The following SATL1 variants were observed in gnomAD, a reference collection of about 807,000 sequenced individuals.
SATL1 encodes the protein spermidine/spermine N1-acetyl transferase like 1, also known as spermidine/spermine N(1)-acetyltransferase-like protein 1.
SATL1 carries 47 observed loss-of-function variants against 51.8 expected under a neutral mutation model. That is an observed-to-expected ratio of 0.91 (90% confidence interval 0.72 to 1.16). The LOEUF (loss-of-function observed/expected upper bound fraction) is 1.16. Ranked by LOEUF, SATL1 falls within the 50% of genes most tolerant of loss-of-function variation. The pLI is 0.00. For synonymous variants in SATL1, 176 were observed against 182.4 expected, an observed-to-expected ratio of 0.97 and a Z score of 0.28; for missense variants, 520 against 526.4, an observed-to-expected ratio of 0.99 and a Z score of 0.12.
At chrX:85,094,803 T>C (rs777094499) in intron 5 of SATL1, 113 bp downstream of exon 5, 1 of 501,869 alleles carries the variant, frequency 2.0e-6, no homozygotes, top group African/African-American at 2.4e-5. Flanking sequence ...AAAAACTGGG[T>C]TTATACACAT....
chrX:85,147,347 C>T (rs1926282370), intron 2 of SATL1, among the ~76,000 whole-genome samples: 1 of 112,499 alleles, frequency 8.9e-6, no homozygotes, highest in Non-Finnish European at 1.9e-5. Context: ...CCCACCACAG[C>T]TCAAGGAGGC....
chrX:85,241,112 G>C (rs1928583983), intron 1 of SATL1, among the ~76,000 whole-genome samples: 1 of 110,813 alleles, frequency 9.0e-6, no homozygotes, highest in South Asian at 3.8e-4. Context: ...TTTTTTATTA[G>C]ACTATTTTAA....
At chrX:85,161,896 C>T (rs1345219944) in intron 2 of SATL1, among the ~76,000 whole-genome samples, 9 of 111,113 alleles carry the variant, frequency 8.1e-5, no homozygotes, top group African/African-American at 2.0e-4. Flanking sequence ...TCTCTAAAAT[C>T]GACCACACCA....
chrX:85,094,969 T>C lies in SATL1; in HGVS notation c.1721A>G (p.Asn574Ser). 8.5e-7 allele frequency: 1 copy of C among 1,173,955 alleles called. No individual in the cohort carries two copies. Among genetic ancestry groups the C allele is most frequent in the Non-Finnish European group, 1.2e-6 (1 of 863,222 alleles). ...ADLLRDGFGDNPLFYCLIAEV... is the reference protein window; with the variant it reads ...ADLLRDGFGDSPLFYCLIAEV... ...TGCAATCAGGCAGTAGAAAAGGGGA[T>C]TGTCCCCAAAGCCATCTCTGAGTAA... Residue 574 changes from asparagine (N) to serine (S), a missense_variant, in exon 5 of 8, where the codon AAT (asparagine) becomes AGT (serine). Around this residue, in one of 3 missense-constraint regions of SATL1, gnomAD observed 488 missense variants for 474.3 expected, o/e 1.03. Coordinates refer to ENST00000644105, the MANE Select transcript of SATL1 (RefSeq NM_001367857.2).
Position 85,092,405 on chromosome X carries a change from C to T in SATL1, c.2074G>A (p.Ala692Thr). 1 of 1,170,640 alleles carries T rather than the reference C, an allele frequency of 8.5e-7. No individual in the cohort carries two copies. The highest frequency in any genetic ancestry group is 1.9e-5 in the South Asian group (1 of 52,062). The change falls in exon 8 of 8, where the codon GCA becomes ACA. Residue 692 changes from alanine to threonine, a missense_variant. Physicochemically the swap from Ala to Thr is moderately conservative, Grantham distance 58. Around this residue, in one of 3 missense-constraint regions of SATL1, gnomAD observed 488 missense variants for 474.3 expected, o/e 1.03. Transcript: ENST00000644105. ...RFNREELLDM[A>T]WEE ...CAAAGCCTCTTTCATTCTTCCCATGCCATGTCCAGGAGTTCTTCTCTGTTA... is the reference window on the plus strand; with the variant it reads ...CAAAGCCTCTTTCATTCTTCCCATGTCATGTCCAGGAGTTCTTCTCTGTTA...
chrX:85,114,329 G>A (rs1001236992), intron 2 of SATL1, among the ~76,000 whole-genome samples: 1 of 111,318 alleles, frequency 9.0e-6, no homozygotes, highest in Non-Finnish European at 1.9e-5. Flanking sequence ...TAAGCAAAAA[G>A]TCATTAAAGG....
At chrX:85,174,621 C>T (rs1927048930) in intron 2 of SATL1, among the ~76,000 whole-genome samples, 2 of 111,119 alleles carry the variant, frequency 1.8e-5, no homozygotes, top group African/African-American at 3.3e-5. Context: ...CTGCATCTAG[C>T]GGATAAAACT....
At chrX:85,144,426 A>G (rs1926182473) in intron 2 of SATL1, among the ~76,000 whole-genome samples, 1 of 111,366 alleles carries the variant, frequency 9.0e-6, no homozygotes, top group Non-Finnish European at 1.9e-5. Flanking sequence ...CTTCTTGCCT[A>G]TCACCTCCAT....
At position 85,107,703 on chromosome X, in the gene SATL1, G is replaced by T. The variant is rs771073598; in HGVS notation, c.1266C>A (p.Ser422Arg). The stretch of plus-strand genomic sequence containing the variant: ...TGTTTGGTTGCCTCGGGACTGGTTG[G>T]CTCAGGCCTGTTTGCCATGTGCCTG... Reference protein sequence around the residue: ...SQPGTWQTGLSQPVPRQPNKS... With the variant: ...SQPGTWQTGLRQPVPRQPNKS... Residue 422 changes from serine (S) to arginine (R), a missense_variant, in exon 3 of 8, where the codon AGC becomes AGA. Transcript: ENST00000644105. The T allele has an allele frequency of 1.6e-5, 19 of 1,210,263 alleles. No individual in the cohort carries two copies. Among genetic ancestry groups the T allele is most frequent in the Non-Finnish European group, 2.0e-5 (18 of 895,246 alleles).
chrX:85,163,834 C>A (rs1926774517), intron 2 of SATL1, among the ~76,000 whole-genome samples: 2 of 111,652 alleles, frequency 1.8e-5, no homozygotes, highest in South Asian at 7.5e-4. Context: ...TCTTAATGAC[C>A]TGTCTAATGC....
intron 2 of SATL1, among the ~76,000 whole-genome samples, chrX:85,167,042 T>C (rs187993789): frequency 9.4e-6 from 1 of 106,600 alleles, no homozygotes; most frequent in African/African-American, 3.4e-5. Context: ...TATATACATA[T>C]CTCATGGAAT....
chrX:85,180,219 C>CG (rs1927172029), intron 2 of SATL1, among the ~76,000 whole-genome samples: 1 of 111,367 alleles, frequency 9.0e-6, no homozygotes, highest in South Asian at 3.7e-4. Context: ...AGGCAGATCA[C>CG]TGTCTTCAAA....
chrX:85,156,990 GA>G (rs1464642816), intron 2 of SATL1, among the ~76,000 whole-genome samples: 1 of 106,450 alleles, frequency 9.4e-6, no homozygotes, highest in Admixed American at 1.0e-4. Flanking sequence ...TGAAGAGTAA[GA>G]GGGGTATGTG....
chrX:85,133,375 T>C (rs1263823006), intron 2 of SATL1, among the ~76,000 whole-genome samples: 1 of 111,673 alleles, frequency 9.0e-6, no homozygotes, highest in East Asian at 2.8e-4. Context: ...TGGACACCCC[T>C]CCCCCAGCCA....
chrX:85,150,000 C>A (rs905947696), intron 2 of SATL1, among the ~76,000 whole-genome samples: 5 of 111,169 alleles, frequency 4.5e-5, no homozygotes, highest in Non-Finnish European at 9.4e-5. Context: ...TACAAAAAAC[C>A]CTTCAAAAAA....
At chrX:85,187,856 C>A (rs951549870) in intron 2 of SATL1, among the ~76,000 whole-genome samples, 20 of 110,220 alleles carry the variant, frequency 1.8e-4, no homozygotes, top group African/African-American at 5.3e-4. Flanking sequence ...AGGAAGAGTT[C>A]TTGCCTTTTA....
In SATL1 at chrX:85,094,987, C is replaced by A; in HGVS notation, c.1703G>T (p.Arg568Ile). 1 of 1,108,790 alleles carries A rather than the reference C, an allele frequency of 9.0e-7. No individual in the cohort carries two copies. Among genetic ancestry groups the A allele is most frequent in the Non-Finnish European group, 1.2e-6 (1 of 805,813 alleles). The allele number at this position is 1,108,790 out of a possible 1,213,427, so 91.4% of individuals were successfully genotyped here. Residue 568 changes from arginine (R) to isoleucine (I), a missense_variant, in exon 5 of 8, where the codon AGA (arginine) becomes ATA (isoleucine). Coordinates refer to ENST00000644105, the MANE Select transcript of SATL1 (RefSeq NM_001367857.2). ...AAGGGGATTGTCCCCAAAGCCATCT[C>A]TGAGTAAATCTGAAATATCAATTCA... is the stretch of plus-strand genomic sequence containing the variant. ...AMELTAADLL[R>I]DGFGDNPLFY...
intron 2 of SATL1, among the ~76,000 whole-genome samples, chrX:85,122,589 T>A (rs1569231476): frequency 9.0e-6 from 1 of 111,340 alleles, no homozygotes; most frequent in East Asian, 2.8e-4. Flanking sequence ...AGCACTCGAT[T>A]CATATTGGAA....
At position 85,179,911 on chromosome X, in the gene SATL1, T is replaced by G. The variant is rs527555880; in HGVS notation, c.-313+44294A>C. 5.6e-4 allele frequency among the ~76,000 whole-genome samples: 58 copies of G among 104,062 alleles called. 2 individuals carry two copies. The South Asian group carries it at 0.024, about 42-fold the overall frequency. The allele number at this position is 104,062 out of a possible 115,157, so 90.4% of individuals were successfully genotyped here. Reference sequence around the variant, plus strand: ...AAACCACAGCTGACTCCTGAATAATTAAAAAAAAAACACACACACACAATA... The same window carrying G: ...AAACCACAGCTGACTCCTGAATAATGAAAAAAAAAACACACACACACAATA... On this transcript the variant is annotated intron_variant, in intron 2 of 7. Transcript: ENST00000644105.
Sources: gnomAD v4.1 joint callset for allele counts (sites outside exome capture counted in the v4.1 genomes callset) on GRCh38, gnomAD v4.1.1 for gene constraint, gnomAD v4.1.1 regional missense constraint, MANE v1.5 for transcripts, NCBI Gene and HGNC (gene_info 2026-07-23, HGNC 2026-07-21) for gene names.